MRRF: variants seen among roughly 807,000 people sequenced by gnomAD.
MRRF encodes ribosome-recycling factor, mitochondrial.
MRRF carries 18 observed loss-of-function variants against 25.1 expected under a neutral mutation model. The ratio of observed to expected loss-of-function variants is 0.72; its 90% CI spans 0.50 to 1.06. MRRF has a LOEUF of 1.06. Among genes scored for constraint, MRRF ranks in the 50% least tolerant of loss-of-function variants. The pLI, the probability that MRRF is intolerant of heterozygous loss-of-function variation, is 0.00. For missense variants in MRRF, 323 were observed against 319.3 expected (o/e 1.01, Z -0.09); for synonymous variants, 113 against 112.1 (o/e 1.01, Z -0.05).
chr9:122,265,894 A>G (rs1832047788), intron 1 of MRRF: 1 of 510,974 alleles, frequency 2.0e-6, no homozygotes, highest in Non-Finnish European at 3.6e-6. Flanking sequence ...TTCTGTGTAT[A>G]GTCAGATACT....
In MRRF at chr9:122,322,544, G is replaced by GC; in HGVS notation, c.718dup (p.Gln240ProfsTer5). The stretch of plus-strand genomic sequence containing the variant: ...TCTCATTTTGTGTTCTTGCAGATCA[G>GC]CCAAATGGCCGATGACACAGTGGCA... On this transcript the variant is annotated frameshift_variant, in exon 7 of 7. Transcript: ENST00000344641. LOFTEE classifies it high-confidence loss of function. 1 of 1,613,962 alleles carries GC rather than the reference G, an allele frequency of 6.2e-7. No homozygotes were observed. Among genetic ancestry groups the GC allele is most frequent in the Non-Finnish European group, 8.5e-7 (1 of 1,180,000 alleles).
intron 2 of MRRF, among the ~76,000 whole-genome samples, chr9:122,274,512 C>T (rs1177964845): frequency 1.4e-5 from 2 of 142,304 alleles, no homozygotes; most frequent in African/African-American, 5.3e-5. Flanking sequence ...ATAGAACTTG[C>T]CTGTAAAGTA....
chr9:122,331,172 C>G lies in MRRF; in HGVS notation c.*8555C>G, dbSNP rs1165717166. ...CTGGTTTCCAATGAGGCCAGAGAAC[C>G]TGTGCTGATCCCTAACATCTTCACC... On this transcript the variant is annotated 3_prime_UTR_variant, in exon 7 of 7. Transcript: ENST00000344641. 6.6e-6 allele frequency: 1 copy of G among 152,138 alleles called. No individual in the cohort carries two copies. The highest frequency in any genetic ancestry group is 6.6e-5 in the Admixed American group (1 of 15,266). The allele number at this position is 152,138 out of a possible 1,614,324, so 9.4% of individuals were successfully genotyped here.
chr9:122,318,775 C>G lies in MRRF; in HGVS notation c.712-3765C>G, dbSNP rs549466373. On this transcript the variant is annotated intron_variant, in intron 6 of 6. Coordinates refer to ENST00000344641, the MANE Select transcript of MRRF (RefSeq NM_138777.5). ...AGACAGGCCTAGATTAAAATCCTGG[C>G]TCTTTTACTTCTTAGCTGTTAATGT... Among the ~76,000 whole-genome samples the G allele has an allele frequency of 2.6e-5, 4 of 152,314 alleles. No individual in the cohort carries two copies. The East Asian group carries it at 7.7e-4, about 29-fold the overall frequency.
intron 3 of MRRF, 76 bp downstream of exon 3, chr9:122,280,674 CCA>C: frequency 2.1e-6 from 3 of 1,439,068 alleles, no homozygotes; most frequent in Non-Finnish European, 2.9e-6. Context: ...AGTTTTAGTC[CCA>C]GCTTTGCCAT....
At chr9:122,267,780 A>G (rs1832205254) in intron 1 of MRRF, among the ~76,000 whole-genome samples, 2 of 152,232 alleles carry the variant, frequency 1.3e-5, no homozygotes, top group African/African-American at 4.8e-5. Context: ...TCATGTGCAT[A>G]AACCACTTAG....
intron 1 of MRRF, among the ~76,000 whole-genome samples, chr9:122,266,379 A>G (rs947128112): frequency 3.9e-5 from 6 of 152,218 alleles, no homozygotes; most frequent in Non-Finnish European, 7.4e-5. Flanking sequence ...GTGATGGTTA[A>G]GCTGAAATCT....
At chr9:122,286,305 T>G in intron 4 of MRRF, 1 of 868,356 alleles carries the variant, frequency 1.2e-6, no homozygotes, top group South Asian at 1.7e-5. Context: ...ACACACTGTT[T>G]CAAATCAAAG....
chr9:122,301,732 ATTTT>A (rs367892122), intron 5 of MRRF, among the ~76,000 whole-genome samples: 1 of 143,334 alleles, frequency 7.0e-6, no homozygotes, highest in East Asian at 2.0e-4. Context: ...CTGCATGGTG[ATTTT>A]TTTTTTTTTC....
intron 2 of MRRF, among the ~76,000 whole-genome samples, chr9:122,274,068 C>T (rs1433699231): frequency 6.6e-6 from 1 of 152,126 alleles, no homozygotes; most frequent in East Asian, 1.9e-4. Context: ...CCTCCCTTCT[C>T]CTCTCCTCCC....
intron 5 of MRRF, among the ~76,000 whole-genome samples, chr9:122,312,307 ATAG>A (rs1835253345): frequency 1.3e-5 from 2 of 152,228 alleles, no homozygotes; most frequent in African/African-American, 2.4e-5. Flanking sequence ...CGGTTTAATA[ATAG>A]TAGTAATTAG....
intron 4 of MRRF, among the ~76,000 whole-genome samples, chr9:122,288,382 A>C (rs1833546774): frequency 6.6e-6 from 1 of 152,188 alleles, no homozygotes. Context: ...CAGTACAGGT[A>C]CTCTGTAAAA....
In MRRF at chr9:122,284,055, G is replaced by A. The variant is rs574550660; in HGVS notation, c.341-1114G>A. 1.4e-3 allele frequency among the ~76,000 whole-genome samples: 209 copies of A among 151,994 alleles called. 1 individual carries two copies. Among genetic ancestry groups the A allele is most frequent in the African/African-American group, 4.7e-3 (194 of 41,442 alleles). ...GATCTAAGTACCAAAATGAAGGGTC[G>A]TATAAGCAAATGGTTCCAAATCTGG... On this transcript the variant is annotated intron_variant, in intron 3 of 6. Transcript: ENST00000344641.
chr9:122,291,856 A>G lies in MRRF; in HGVS notation c.551+16A>G. On this transcript the variant is annotated intron_variant, in intron 5 of 6. Transcript: ENST00000344641. ...CCATTCCCCAGTAAGTTTGGCTGAA[A>G]TTCACATATTTTGATGAAACGGGGT... The G allele has an allele frequency of 1.3e-6, 2 of 1,583,524 alleles. No individual in the cohort carries two copies. The highest frequency in any genetic ancestry group is 1.7e-6 in the Non-Finnish European group (2 of 1,152,110).
At chr9:122,307,592 C>T (rs1380672033) in intron 5 of MRRF, among the ~76,000 whole-genome samples, 1 of 152,194 alleles carries the variant, frequency 6.6e-6, no homozygotes, top group East Asian at 1.9e-4. Context: ...ACAATGCATA[C>T]ATATTGACAG....
At chr9:122,267,041 G>T (rs1040274974) in intron 1 of MRRF, among the ~76,000 whole-genome samples, 1 of 148,918 alleles carries the variant, frequency 6.7e-6, no homozygotes, top group Non-Finnish European at 1.5e-5. Flanking sequence ...CTGCACTCCA[G>T]CCTGGGCGAC....
chr9:122,275,116 G>A (rs987420125), intron 2 of MRRF, among the ~76,000 whole-genome samples: 2 of 143,620 alleles, frequency 1.4e-5, no homozygotes, highest in Non-Finnish European at 3.0e-5. Flanking sequence ...TTTTGCGAAA[G>A]CACATAAAAT....
At chr9:122,272,790 C>T (rs1030517540) in intron 2 of MRRF, among the ~76,000 whole-genome samples, 11 of 151,880 alleles carry the variant, frequency 7.2e-5, no homozygotes, top group African/African-American at 2.7e-4. Flanking sequence ...TAAGAAATAC[C>T]CGTCTATTGC....
intron 1 of MRRF, among the ~76,000 whole-genome samples, chr9:122,266,401 G>A (rs1426793039): frequency 6.6e-6 from 1 of 152,160 alleles, no homozygotes; most frequent in East Asian, 1.9e-4. Context: ...AAATAAAAAC[G>A]GAGACAAACA....
Sources: allele counts gnomAD v4.1 joint callset (sites outside exome capture counted in the v4.1 genomes callset), GRCh38; gene constraint gnomAD v4.1.1; transcripts MANE v1.5; gene names NCBI Gene and HGNC (gene_info 2026-07-23, HGNC 2026-07-21).